PITRM1: variants seen among roughly 807,000 people sequenced by gnomAD.
The protein encoded by PITRM1 is pitrilysin metallopeptidase 1, also known as presequence protease, mitochondrial.
A neutral mutation model predicts 129.9 loss-of-function variants in PITRM1; 100 were observed. The ratio of observed to expected loss-of-function variants is 0.77; its 90% CI spans 0.65 to 0.91. The LOEUF (loss-of-function observed/expected upper bound fraction) is 0.91. Among genes scored for constraint, PITRM1 ranks in the 40% least tolerant of loss-of-function variants. The pLI, the probability that PITRM1 is intolerant of heterozygous loss-of-function variation, is 0.00. For missense variants in PITRM1, 1,471 were observed against 1,318.3 expected (o/e 1.12, Z -1.79); for synonymous variants, 591 against 508.8 (o/e 1.16, Z -2.17).
At chr10:3,167,974 T>G (rs1330349304) in intron 2 of PITRM1, 3 of 152,112 alleles carry the variant, frequency 2.0e-5, no homozygotes, top group Non-Finnish European at 4.4e-5. Context: ...CTACTTTAGG[T>G]AAGCCTCCTG....
rs1229457806 is a variant in PITRM1, at chr10:3,165,274, A to G, written c.594T>C (p.Phe198=). The change falls in exon 6 of 27, where the codon TTT becomes TTC. Residue 198 remains phenylalanine, a synonymous_variant. Coordinates refer to ENST00000224949, the MANE Select transcript of PITRM1 (RefSeq NM_014889.4). ...TCATCTCATTAAAGACGACTCCTTT[A>G]AAGACCAAGGGCGTCTGGGGGTCGC... ...NPSDPQTPLV[F]KGVVFNEMKG... is the part of the protein sequence containing the mutation. 1.3e-6 allele frequency: 2 copies of G among 1,583,298 alleles called. No homozygotes were observed. Among genetic ancestry groups the G allele is most frequent in the African/African-American group, 1.4e-5 (1 of 73,874 alleles).
At chr10:3,167,600 T>C (rs905553337) in intron 2 of PITRM1, among the ~76,000 whole-genome samples, 1 of 152,244 alleles carries the variant, frequency 6.6e-6, no homozygotes, top group Non-Finnish European at 1.5e-5. Context: ...TTTTGTGTGC[T>C]GTGCCTCAGT....
chr10:3,148,011 T>C lies in PITRM1; in HGVS notation c.2045A>G (p.Gln682Arg). 6.2e-7 allele frequency: 1 copy of C among 1,613,218 alleles called. No individual in the cohort carries two copies. The highest frequency in any genetic ancestry group is 1.7e-4 in the Middle Eastern group (1 of 6,058). ...CLDRNLPDMM[Q>R]LWSEIFNNPC... ...CTTGTTAAATATTTCACTCCATAGCTGCATCATGTCTGGCAGGTTTCGATC... is the reference window on the plus strand; with the variant it reads ...CTTGTTAAATATTTCACTCCATAGCCGCATCATGTCTGGCAGGTTTCGATC... The change falls in exon 18 of 27, where the codon CAG becomes CGG. Residue 682 changes from glutamine to arginine, a missense_variant. Gln to Arg is a conservative substitution (Grantham distance 43, BLOSUM62 1). Coordinates refer to ENST00000224949, the MANE Select transcript of PITRM1 (RefSeq NM_014889.4).
intron 23 of PITRM1, 105 bp from the exon 24 acceptor site, chr10:3,140,917 A>C (rs1840124245): frequency 1.9e-6 from 2 of 1,025,714 alleles, no homozygotes; most frequent in Admixed American, 2.3e-5. Flanking sequence ...TTGTAAAATA[A>C]TGCTGCATAA....
intron 12 of PITRM1, 159 bp downstream of exon 12, chr10:3,157,276 A>C (rs1042312162): frequency 3.1e-6 from 2 of 646,518 alleles, no homozygotes; most frequent in African/African-American, 3.8e-5. Flanking sequence ...GCACAGGCTG[A>C]AATAATGTTT....
chr10:3,165,172 CTA>C, intron 6 of PITRM1, 64 bp downstream of exon 6: 2 of 1,077,102 alleles, frequency 1.9e-6, no homozygotes, highest in African/African-American at 3.2e-5. Context: ...CCAGATGTGT[CTA>C]TATCATGATA....
At chr10:3,148,481 T>G in intron 16 of PITRM1, 190 bp from the exon 17 acceptor site, 1 of 613,752 alleles carries the variant, frequency 1.6e-6, no homozygotes, top group Non-Finnish European at 2.7e-6. Flanking sequence ...TGTGCCCCCT[T>G]CCCCAGGGAG....
intron 1 of PITRM1, 31 bp downstream of exon 1, chr10:3,172,686 G>C: frequency 1.3e-6 from 2 of 1,526,638 alleles, no homozygotes. Context: ...GGGTACCAGC[G>C]CGCCGAGCGC....
At chr10:3,162,375 A>T (rs1172826338) in intron 7 of PITRM1, among the ~76,000 whole-genome samples, 1 of 152,200 alleles carries the variant, frequency 6.6e-6, no homozygotes, top group Non-Finnish European at 1.5e-5. Flanking sequence ...AGAACTAGAA[A>T]ACTTCGCAAA....
Position 3,156,955 on chromosome 10 carries a change from T to G in PITRM1, c.1457A>C (p.Gln486Pro), listed in dbSNP as rs1446951775. The G allele has an allele frequency of 6.3e-7, 1 of 1,587,216 alleles. No individual in the cohort carries two copies. The highest frequency in any genetic ancestry group is 1.9e-5 in the Admixed American group (1 of 53,660). ...QCLQENPKFL[Q>P]EKVKQYFKNN... Reference sequence around the variant, plus strand: ...CTTAAAATACTGTTTTACTTTTTCTTGCAAAAATTTTGGATTTTCCTGCAG... The same window carrying G: ...CTTAAAATACTGTTTTACTTTTTCTGGCAAAAATTTTGGATTTTCCTGCAG... Residue 486 changes from glutamine (Q) to proline (P), a missense_variant, in exon 13 of 27, where the codon CAA becomes CCA. Transcript: ENST00000224949.
intron 4 of PITRM1, among the ~76,000 whole-genome samples, chr10:3,165,733 A>C (rs941318195): frequency 1.3e-5 from 2 of 152,150 alleles, no homozygotes; most frequent in African/African-American, 4.8e-5. Context: ...CCGTCTCAGG[A>C]TCTGCACTCG....
At chr10:3,143,734 G>A (rs1363904095) in intron 22 of PITRM1, 7 of 700,190 alleles carry the variant, frequency 1.0e-5, no homozygotes, top group Non-Finnish European at 1.9e-5. Context: ...CTGTAAAACT[G>A]ACATGAAGTC....
chr10:3,138,778 G>A (rs761192343), intron 25 of PITRM1, 126 bp downstream of exon 25: 16 of 893,192 alleles, frequency 1.8e-5, no homozygotes, highest in East Asian at 2.4e-5. Flanking sequence ...CGTGGAAATC[G>A]TATCACAAGC....
Position 3,138,271 on chromosome 10 carries a change from G to A in PITRM1, c.2984C>T (p.Ala995Val). ...MKQAHREQLF[A>V]VSHDKLLAVS... Reference sequence around the variant, plus strand: ...GGCCAGGAGCTTGTCGTGGCTGACAGCAAAGAGCTGCTCTCTGTGGGCCTG... The same window carrying A: ...GGCCAGGAGCTTGTCGTGGCTGACAACAAAGAGCTGCTCTCTGTGGGCCTG... The change falls in exon 26 of 27, where the codon GCT (alanine) becomes GTT (valine). Residue 995 changes from alanine (A) to valine (V), a missense_variant. By Grantham distance (64) the Ala-to-Val change is moderately conservative (BLOSUM62 0). Transcript: ENST00000224949. The A allele has an allele frequency of 6.2e-7, 1 of 1,613,814 alleles. No homozygotes were observed. The highest frequency in any genetic ancestry group is 8.5e-7 in the Non-Finnish European group (1 of 1,179,744).
chr10:3,165,213 A>G, intron 6 of PITRM1, 25 bp downstream of exon 6: 1 of 1,481,184 alleles, frequency 6.8e-7, no homozygotes, highest in Non-Finnish European at 9.1e-7. Context: ...AGCTGAACAC[A>G]ACATAAAAAA....
At chr10:3,139,717 G>A (rs4880593) in intron 24 of PITRM1, among the ~76,000 whole-genome samples, 20,876 of 152,234 alleles carry the variant, frequency 0.14, 1,592 homozygotes, top group East Asian at 0.28. Flanking sequence ...AGGCTGGTGT[G>A]CAGTGGCGCA....
At chr10:3,168,762 T>C (rs1843093910) in intron 2 of PITRM1, among the ~76,000 whole-genome samples, 1 of 152,074 alleles carries the variant, frequency 6.6e-6, no homozygotes, top group African/African-American at 2.4e-5. Context: ...GAACTGTGAG[T>C]CAATTAAACC....
intron 7 of PITRM1, among the ~76,000 whole-genome samples, chr10:3,162,740 C>G (rs1023882501): frequency 2.0e-5 from 3 of 152,182 alleles, no homozygotes; most frequent in Admixed American, 1.3e-4. Flanking sequence ...CAACACCAGG[C>G]GGGAACAGCC....
chr10:3,167,282 A>AGC (rs1564436955), intron 2 of PITRM1, among the ~76,000 whole-genome samples: 30 of 79,256 alleles, frequency 3.8e-4, no homozygotes, highest in African/African-American at 7.0e-4. Flanking sequence ...AGAAAGAGAG[A>AGC]GAGAGCGAGC....
Sources: allele counts gnomAD v4.1 joint callset (sites outside exome capture counted in the v4.1 genomes callset), GRCh38; gene constraint gnomAD v4.1.1; transcripts MANE v1.5; gene names NCBI Gene and HGNC (gene_info 2026-07-23, HGNC 2026-07-21).